Variants in LRP4 observed in about 807,000 individuals in gnomAD.
LRP4 encodes the protein LDL receptor related protein 4.
LRP4 carries 95 observed loss-of-function variants against 220.3 expected under a neutral mutation model. The observed-to-expected ratio is 0.43, with a 90% CI of 0.37 to 0.51. LRP4 has a LOEUF of 0.51. LRP4 is among the 20% of genes least tolerant of loss of function. The pLI is 0.00. For synonymous variants in LRP4, 903 were observed against 954.6 expected (o/e 0.95, Z 1.00); for missense variants, 1,925 against 2,567.0 (o/e 0.75, Z 5.40).
chr11:46,894,638 G>A lies in LRP4; in HGVS notation c.1491C>T (p.Leu497=), dbSNP rs146501212. ...CAACCTCCTCCACGTTGCTGCCGTTGAGGTTGGCACGGAGGATCCGGTCCA... is the reference window on the plus strand; with the variant it reads ...CAACCTCCTCCACGTTGCTGCCGTTAAGGTTGGCACGGAGGATCCGGTCCA... ...VTLDRILRAN[L]NGSNVEEVVS... Residue 497 remains leucine (L), a synonymous_variant, in exon 12 of 38, where the codon CTC becomes CTT. Coordinates refer to ENST00000378623, the MANE Select transcript of LRP4 (RefSeq NM_002334.4). 2.3e-4 allele frequency: 368 copies of A among 1,613,980 alleles called. No homozygotes were observed. The highest frequency in any genetic ancestry group is 3.0e-4 in the Non-Finnish European group (355 of 1,179,936).
intron 1 of LRP4, among the ~76,000 whole-genome samples, chr11:46,905,233 C>G (rs1012675465): frequency 6.6e-6 from 1 of 152,184 alleles, no homozygotes; most frequent in Admixed American, 6.5e-5. Flanking sequence ...GTTTTTCTCA[C>G]TCAGATCCTG....
At chr11:46,866,293 T>G (rs952031075) in intron 34 of LRP4, among the ~76,000 whole-genome samples, 8 of 150,608 alleles carry the variant, frequency 5.3e-5, no homozygotes, top group African/African-American at 1.9e-4. Context: ...TGTTTTTTGT[T>G]TTTTTTTTGA....
chr11:46,914,427 C>G (rs1052408351), intron 1 of LRP4, among the ~76,000 whole-genome samples: 1 of 152,198 alleles, frequency 6.6e-6, no homozygotes, highest in African/African-American at 2.4e-5. Flanking sequence ...CCCGATTGTA[C>G]GAGGAACTCA....
chr11:46,894,796 C>T lies in LRP4; in HGVS notation c.1333G>A (p.Ala445Thr), dbSNP rs1023257694. The change falls in exon 12 of 38, where the codon GCC becomes ACC. Residue 445 changes from alanine (A) to threonine (T), a missense_variant. Around this residue, in one of 3 missense-constraint regions of LRP4, gnomAD observed 269 missense variants for 436.7 expected, o/e 0.62. Transcript: ENST00000378623. ...ALGPEPVLLFANRIDIRQVLP... is the reference protein window; with the variant it reads ...ALGPEPVLLFTNRIDIRQVLP... ...ACCTGCCGGATGTCGATGCGATTGGCGAACAGCAGCACAGGCTCTGGCCCT... is the reference window on the plus strand; with the variant it reads ...ACCTGCCGGATGTCGATGCGATTGGTGAACAGCAGCACAGGCTCTGGCCCT... 2 of 1,614,150 alleles carry T rather than the reference C, an allele frequency of 1.2e-6. No homozygotes were observed. Among genetic ancestry groups the T allele is most frequent in the Non-Finnish European group, 1.7e-6 (2 of 1,179,998 alleles).
chr11:46,885,950 T>A, intron 18 of LRP4, 141 bp downstream of exon 18: 1 of 766,832 alleles, frequency 1.3e-6, no homozygotes. Flanking sequence ...GCAGCAGCCC[T>A]CCGGCTTCTG....
Position 46,871,735 on chromosome 11 carries a change from T to C in LRP4, c.4584-102A>G, listed in dbSNP as rs564571228. 650 of 785,844 alleles carry C rather than the reference T, an allele frequency of 8.3e-4. 4 individuals are homozygous for C. Among genetic ancestry groups the C allele is most frequent in the Non-Finnish European group, 6.5e-4 (295 of 452,720 alleles). The allele number at this position is 785,844 out of a possible 1,614,324, so 48.7% of individuals were successfully genotyped here. On this transcript the variant is annotated intron_variant, in intron 30 of 37. Coordinates refer to ENST00000378623, the MANE Select transcript of LRP4 (RefSeq NM_002334.4). ...GTCCCCTCCTGAGCTGACTGGCAGA[T>C]GCTATGAGAACTCAAGAAGCACCCT...
intron 1 of LRP4, among the ~76,000 whole-genome samples, chr11:46,912,709 C>G (rs79920646): frequency 0.11 from 16,393 of 152,206 alleles, 1,209 homozygotes; most frequent in South Asian, 0.17. Flanking sequence ...CCTGGAGGCA[C>G]TTACAACCTT....
chr11:46,890,166 G>A lies in LRP4; in HGVS notation c.1916-46C>T, dbSNP rs759270166. 6.2e-6 allele frequency: 10 copies of A among 1,608,206 alleles called. No individual in the cohort carries two copies. The South Asian group carries it at 1.1e-4, about 18-fold the overall frequency. ...CCTCAGTCTGGACGTGGTCTGCCATGTCCCCTGGGCCCAGGCCTGGCAACT... is the reference window on the plus strand; with the variant it reads ...CCTCAGTCTGGACGTGGTCTGCCATATCCCCTGGGCCCAGGCCTGGCAACT... On this transcript the variant is annotated intron_variant, in intron 14 of 37. Transcript: ENST00000378623. The surrounding 1 kb of genome is among the most constrained non-coding windows in gnomAD (Gnocchi z 5.3).
At position 46,902,883 on chromosome 11, in the gene LRP4, T is replaced by C; in HGVS notation, c.99A>G (p.Thr33=). The change falls in exon 2 of 38, where the codon ACA becomes ACG. Residue 33 remains threonine (T), a synonymous_variant. Coordinates refer to ENST00000378623, the MANE Select transcript of LRP4 (RefSeq NM_002334.4). ...PECACGRSHF[T]CAVSALGECT... is the part of the protein sequence containing the mutation. ...ACTCTCCAAGAGCACTCACTGCACA[T>C]GTGAAGTGGCTCCGACCACAAGCAC... 6.2e-7 allele frequency: 1 copy of C among 1,614,076 alleles called. No individual in the cohort carries two copies. Among genetic ancestry groups the C allele is most frequent in the Non-Finnish European group, 8.5e-7 (1 of 1,180,028 alleles).
chr11:46,860,403 C>T (rs7943866), intron 37 of LRP4, among the ~76,000 whole-genome samples: 97,436 of 151,800 alleles, frequency 0.64, 33,020 homozygotes, highest in Non-Finnish European at 0.77. Context: ...AAACCTGGGA[C>T]TCTTCCAGGC....
chr11:46,864,188 C>T (rs1356033527), intron 36 of LRP4, among the ~76,000 whole-genome samples: 1 of 152,202 alleles, frequency 6.6e-6, no homozygotes, highest in African/African-American at 2.4e-5. Flanking sequence ...GTAATATCCT[C>T]TGTGCACTCA....
intron 16 of LRP4, among the ~76,000 whole-genome samples, chr11:46,889,006 G>C (rs147792784): frequency 6.6e-6 from 1 of 152,302 alleles, no homozygotes; most frequent in Admixed American, 6.5e-5. Flanking sequence ...CATCATCAGA[G>C]ATTCTAATTT....
intron 13 of LRP4, among the ~76,000 whole-genome samples, chr11:46,892,402 A>G (rs1244492642): frequency 6.6e-6 from 1 of 152,160 alleles, no homozygotes; most frequent in African/African-American, 2.4e-5. Flanking sequence ...ACCTCATTTA[A>G]TCTTCATACA....
At chr11:46,877,118 C>T (rs539981163) in intron 23 of LRP4, 81 bp downstream of exon 23, 18 of 1,521,574 alleles carry the variant, frequency 1.2e-5, no homozygotes, top group Non-Finnish European at 1.5e-5. Flanking sequence ...TGGCAGGAGA[C>T]AAAGGTGGTG....
chr11:46,863,718 C>T (rs1940620625), intron 36 of LRP4, among the ~76,000 whole-genome samples: 1 of 151,676 alleles, frequency 6.6e-6, no homozygotes, highest in Non-Finnish European at 1.5e-5. Context: ...AAGATTGCAC[C>T]ACTGCACTCC....
chr11:46,893,182 T>C (rs1941458895), intron 12 of LRP4, 53 bp from the exon 13 acceptor site: 30 of 1,609,120 alleles, frequency 1.9e-5, no homozygotes, highest in Non-Finnish European at 2.5e-5. Context: ...GGCCCCCATG[T>C]CCCATAGTAA....
intron 18 of LRP4, among the ~76,000 whole-genome samples, chr11:46,885,547 G>A (rs1941268945): frequency 6.6e-6 from 1 of 152,098 alleles, no homozygotes; most frequent in African/African-American, 2.4e-5. Flanking sequence ...GCTAAGGCGG[G>A]TGGATCACCA....
At chr11:46,897,033 T>C (rs1941547570) in intron 7 of LRP4, 39 bp from the exon 8 acceptor site, 1 of 1,613,588 alleles carries the variant, frequency 6.2e-7, no homozygotes, top group Non-Finnish European at 8.5e-7. Flanking sequence ...TGGGCCCCAT[T>C]TCAGCCTGAA....
intron 7 of LRP4, among the ~76,000 whole-genome samples, chr11:46,898,025 G>C (rs1382603597): frequency 2.0e-4 from 28 of 139,078 alleles, no homozygotes; most frequent in African/African-American, 7.4e-4. Context: ...CCTCCCTCCC[G>C]GACGGGGCGG....
Sources: allele counts gnomAD v4.1 joint callset (sites outside exome capture counted in the v4.1 genomes callset), GRCh38; gene constraint gnomAD v4.1.1; regional missense constraint gnomAD v4.1.1; non-coding constraint Gnocchi (gnomAD v3.1); transcripts MANE v1.5; gene names NCBI Gene and HGNC (gene_info 2026-07-23, HGNC 2026-07-21).